The following CHTF8 variants were observed in gnomAD, a reference collection of about 807,000 sequenced individuals.
The protein encoded by CHTF8 is chromosome transmission fidelity protein 8 homolog.
Under a neutral mutation model 11.0 loss-of-function variants are expected in CHTF8, and 6 were observed. That is an observed-to-expected ratio of 0.55 (90% CI 0.30 to 1.08). CHTF8 has a LOEUF of 1.08. CHTF8 is among the 50% of genes least tolerant of loss of function. The pLI, the probability that CHTF8 is intolerant of heterozygous loss-of-function variation, is 0.07. For synonymous variants in CHTF8, 53 were observed against 60.5 expected, an observed-to-expected ratio of 0.88 and a Z score of 0.57; for missense variants, 140 against 153.1, an observed-to-expected ratio of 0.91 and a Z score of 0.45.
At chr16:69,128,901 G>A (rs1267051311) in intron 1 of CHTF8, among the ~76,000 whole-genome samples, 1 of 151,612 alleles carries the variant, frequency 6.6e-6, no homozygotes, top group Non-Finnish European at 1.5e-5. Flanking sequence ...CAGTTTCTAC[G>A]AAAAATACAA....
In CHTF8 at chr16:69,119,265, G is replaced by A. The variant is rs540471675; in HGVS notation, c.*1160C>T. The stretch of plus-strand genomic sequence containing the variant: ...TTGGATTTGAGCCCTGGAGGCCAGC[G>A]GACCTTTGGAAGGTAGCTGGGTTTG... On this transcript the variant is annotated 3_prime_UTR_variant, in exon 4 of 4. Coordinates refer to ENST00000448552, the MANE Select transcript of CHTF8 (RefSeq NM_001039690.5). The A allele has an allele frequency of 5.8e-5, 41 of 703,020 alleles. No homozygotes were observed. The highest frequency in any genetic ancestry group is 3.7e-4 in the African/African-American group (21 of 57,392). 43.5% of individuals were successfully genotyped at this position (703,020 alleles called of 1,614,324 possible). A position where few individuals can be genotyped will look rare whatever the true frequency, so the allele number is the denominator to read the frequency against.
Position 69,120,467 on chromosome 16 carries a change from G to A in CHTF8, c.324C>T (p.Thr108=), listed in dbSNP as rs1198769291. 1 of 1,614,126 alleles carries A rather than the reference G, an allele frequency of 6.2e-7. No individual in the cohort carries two copies. The highest frequency in any genetic ancestry group is 1.7e-5 in the Admixed American group (1 of 60,020). Reference sequence around the variant, plus strand: ...CGCTGGTGATAATGGGCTTGGGGCGGGTTTTGAAAAGGATCTTGTCTTTGA... The same window carrying A: ...CGCTGGTGATAATGGGCTTGGGGCGAGTTTTGAAAAGGATCTTGTCTTTGA... ...ALIKDKILFK[T]RPKPIITSVP... The change falls in exon 4 of 4, where the codon ACC becomes ACT. Residue 108 remains threonine, a synonymous_variant. Coordinates refer to ENST00000448552, the MANE Select transcript of CHTF8 (RefSeq NM_001039690.5). This position sits in a 1 kb window ranked among gnomAD's most constrained non-coding sequence, Gnocchi z 4.0.
In CHTF8 at chr16:69,119,602, G is replaced by A. The variant is rs1298254759; in HGVS notation, c.*823C>T. 3 of 699,436 alleles carry A rather than the reference G, an allele frequency of 4.3e-6. No homozygotes were observed. The highest frequency in any genetic ancestry group is 7.8e-6 in the Non-Finnish European group (3 of 382,836). 43.3% of individuals were successfully genotyped at this position (699,436 alleles called of 1,614,324 possible). On this transcript the variant is annotated 3_prime_UTR_variant, in exon 4 of 4. Transcript: ENST00000448552. ...AAGACCTGCTGCTCTTAGAATGGGG[G>A]CAAGATCGAGGCCTTGAGGTCCAGC...
intron 2 of CHTF8, 69 bp downstream of exon 2, chr16:69,121,367 A>G: frequency 7.1e-7 from 1 of 1,414,266 alleles, no homozygotes. Flanking sequence ...TGATTCTTCC[A>G]GACACATGGC....
chr16:69,123,925 T>TAAAAA (rs757493986), intron 1 of CHTF8, among the ~76,000 whole-genome samples: 1 of 76,964 alleles, frequency 1.3e-5, no homozygotes, highest in African/African-American at 4.9e-5. Flanking sequence ...CCATCTCTAC[T>TAAAAA]AAAAAAAAAA....
chr16:69,129,751 T>C lies in CHTF8; in HGVS notation c.-36+2733A>G, dbSNP rs911685238. The stretch of plus-strand genomic sequence containing the variant: ...CCTCCTGTAAAGCACCTCTGTATGA[T>C]AACTTCCCTTGCTTTACAAATATTA... On this transcript the variant is annotated intron_variant, in intron 1 of 3. Transcript: ENST00000448552. Among the ~76,000 whole-genome samples, 2 of 152,308 alleles carry C rather than the reference T, an allele frequency of 1.3e-5. 1 individual carries two copies. The highest frequency in any genetic ancestry group is 4.1e-4 in the South Asian group (2 of 4,828).
Position 69,119,737 on chromosome 16 carries a change from C to T in CHTF8, c.*688G>A, listed in dbSNP as rs1961480012. On this transcript the variant is annotated 3_prime_UTR_variant, in exon 4 of 4. Transcript: ENST00000448552. ...TCTTGGGTTGGGCCCAAGGCCTGGG[C>T]CTGGAAACACACCTGACCTGGGGGC... 1.4e-6 allele frequency: 1 copy of T among 691,328 alleles called. No individual in the cohort carries two copies. The highest frequency in any genetic ancestry group is 2.7e-6 in the Non-Finnish European group (1 of 377,060). 42.8% of individuals were successfully genotyped at this position (691,328 alleles called of 1,614,324 possible).
At chr16:69,131,006 C>G (rs1273917507) in intron 1 of CHTF8, among the ~76,000 whole-genome samples, 1 of 152,148 alleles carries the variant, frequency 6.6e-6, no homozygotes, top group Non-Finnish European at 1.5e-5. Flanking sequence ...CAACCGAATA[C>G]AGATTATTTT....
intron 1 of CHTF8, among the ~76,000 whole-genome samples, chr16:69,123,721 G>C (rs17691463): frequency 0.031 from 4,788 of 152,172 alleles, 108 homozygotes; most frequent in Non-Finnish European, 0.042. Context: ...ATGGTAAGCT[G>C]ACTTCTGATG....
intron 1 of CHTF8, among the ~76,000 whole-genome samples, chr16:69,125,876 T>C (rs1198431542): frequency 6.6e-6 from 1 of 152,240 alleles, no homozygotes; most frequent in African/African-American, 2.4e-5. Flanking sequence ...GATTATGTCC[T>C]ATGAAACTAT....
intron 1 of CHTF8, among the ~76,000 whole-genome samples, chr16:69,122,730 C>T (rs1006949396): frequency 7.2e-5 from 11 of 151,920 alleles, no homozygotes; most frequent in African/African-American, 2.2e-4. Flanking sequence ...TTAGTAGAGA[C>T]GAGGTTTCTT....
chr16:69,126,188 T>A (rs374455666), intron 1 of CHTF8, among the ~76,000 whole-genome samples: 1 of 152,304 alleles, frequency 6.6e-6, no homozygotes, highest in African/African-American at 2.4e-5. Flanking sequence ...AGGTACACGG[T>A]ATATTCTAGG....
rs540303361 is a variant in CHTF8, at chr16:69,120,875, C to G, written c.141+178G>C. ...CAGAAATGTGAGCTTTCCAGATTCC[C>G]CAAAATTAAATTTCCCTGCTACTGC... is the stretch of plus-strand genomic sequence containing the variant. On this transcript the variant is annotated intron_variant, in intron 3 of 3. Transcript: ENST00000448552. This position sits in a 1 kb window ranked among gnomAD's most constrained non-coding sequence, Gnocchi z 4.0. 59 of 763,302 alleles carry G rather than the reference C, an allele frequency of 7.7e-5. No individual in the cohort carries two copies. Among genetic ancestry groups the G allele is most frequent in the Non-Finnish European group, 1.3e-4 (56 of 428,504 alleles). 47.3% of individuals were successfully genotyped at this position (763,302 alleles called of 1,614,324 possible). A position where few individuals can be genotyped will look rare whatever the true frequency, so the allele number is the denominator to read the frequency against.
At chr16:69,122,275 T>C (rs946253400) in intron 1 of CHTF8, among the ~76,000 whole-genome samples, 9 of 151,962 alleles carry the variant, frequency 5.9e-5, no homozygotes, top group African/African-American at 1.9e-4. Flanking sequence ...ATCACATAGC[T>C]ACTAAGGAAA....
At chr16:69,131,543 G>A (rs1349858855) in intron 1 of CHTF8, 3 of 135,524 alleles carry the variant, frequency 2.2e-5, no homozygotes, top group African/African-American at 5.6e-5. Context: ...TTCTGCTAGA[G>A]CTACAAACAC....
Position 69,118,511 on chromosome 16 carries a change from C to G in CHTF8, c.*1914G>C. ...GGGACTACATGTGAACTGGGACCTG[C>G]AGGCCAATGTATCCCTGAGGAAAAG... On this transcript the variant is annotated 3_prime_UTR_variant, in exon 4 of 4. Coordinates refer to ENST00000448552, the MANE Select transcript of CHTF8 (RefSeq NM_001039690.5). 9.4e-7 allele frequency: 1 copy of G among 1,060,438 alleles called. No individual in the cohort carries two copies. Among genetic ancestry groups the G allele is most frequent in the Non-Finnish European group, 1.5e-6 (1 of 674,284 alleles). 65.7% of individuals were successfully genotyped at this position (1,060,438 alleles called of 1,614,324 possible).
At chr16:69,125,146 C>T (rs147977368) in intron 1 of CHTF8, among the ~76,000 whole-genome samples, 10 of 152,246 alleles carry the variant, frequency 6.6e-5, no homozygotes, top group East Asian at 1.9e-4. Flanking sequence ...TCAGGTGATA[C>T]GCCCGCGTTG....
At chr16:69,129,287 G>T (rs1265987651) in intron 1 of CHTF8, among the ~76,000 whole-genome samples, 28 of 151,114 alleles carry the variant, frequency 1.9e-4, no homozygotes, top group Admixed American at 1.9e-3. Context: ...AAAATTAGCC[G>T]GGCGTGGTGG....
At position 69,119,429 on chromosome 16, in the gene CHTF8, T is replaced by G; in HGVS notation, c.*996A>C. The G allele has an allele frequency of 1.4e-6, 1 of 702,802 alleles. No individual in the cohort carries two copies. The highest frequency in any genetic ancestry group is 2.7e-5 in the East Asian group (1 of 37,250). The allele number at this position is 702,802 out of a possible 1,614,324, so 43.5% of individuals were successfully genotyped here. On this transcript the variant is annotated 3_prime_UTR_variant, in exon 4 of 4. Coordinates refer to ENST00000448552, the MANE Select transcript of CHTF8 (RefSeq NM_001039690.5). ...CCTATGGGGCCAGGAGCCCTTGACATGGGAGATGGATTTGGCCCTGGAAGG... is the reference window on the plus strand; with the variant it reads ...CCTATGGGGCCAGGAGCCCTTGACAGGGGAGATGGATTTGGCCCTGGAAGG...
Sources: allele counts gnomAD v4.1 joint callset (sites outside exome capture counted in the v4.1 genomes callset), GRCh38; gene constraint gnomAD v4.1.1; non-coding constraint Gnocchi (gnomAD v3.1); transcripts MANE v1.5; gene names NCBI Gene and HGNC (gene_info 2026-07-23, HGNC 2026-07-21).